The following ELMO1 variants were observed in gnomAD, a reference collection of about 807,000 sequenced individuals.
ELMO1 encodes engulfment and cell motility 1, also known as engulfment and cell motility protein 1.
ELMO1 carries 26 observed loss-of-function variants against 98.9 expected under a neutral mutation model. The observed-to-expected ratio is 0.26, with a 90% CI of 0.19 to 0.36. The LOEUF is 0.36. Ranked by LOEUF, ELMO1 falls within the 10% of genes least tolerant of loss-of-function variation. ELMO1 has a pLI of 1.00. For missense variants in ELMO1, 627 were observed against 935.2 expected (o/e 0.67, Z 4.30); for synonymous variants, 346 against 346.0 (o/e 1.00, Z 0.00).
chr7:37,127,176 T>C (rs1211212264), intron 14 of ELMO1, among the ~76,000 whole-genome samples: 1 of 152,198 alleles, frequency 6.6e-6, no homozygotes, highest in Non-Finnish European at 1.5e-5. Flanking sequence ...ATGAAAAGCT[T>C]TGCAATGATA....
intron 4 of ELMO1, among the ~76,000 whole-genome samples, chr7:37,282,073 T>A (rs1797168940): frequency 6.8e-6 from 1 of 146,860 alleles, no homozygotes; most frequent in African/African-American, 2.5e-5. Flanking sequence ...CATTGTCATA[T>A]GTTTCCCTCT....
intron 13 of ELMO1, chr7:37,211,121 C>A (rs868254056): frequency 8.2e-6 from 3 of 365,388 alleles, no homozygotes; most frequent in Non-Finnish European, 1.5e-5. Context: ...GAGATACATT[C>A]CGGGCTAACT....
intron 16 of ELMO1, among the ~76,000 whole-genome samples, chr7:37,012,934 G>A (rs1296939098): frequency 6.6e-6 from 1 of 152,182 alleles, no homozygotes; most frequent in East Asian, 1.9e-4. Context: ...TCCTGGACAG[G>A]TGGAGGGAAG....
intron 1 of ELMO1, among the ~76,000 whole-genome samples, chr7:37,362,234 A>ATAT (rs75702393): frequency 4.0e-5 from 6 of 151,476 alleles, no homozygotes; most frequent in South Asian, 2.1e-4. Flanking sequence ...ATATATATAT[A>ATAT]ATTTCTCCGT....
chr7:37,388,053 G>T (rs958465341), intron 1 of ELMO1, among the ~76,000 whole-genome samples: 3 of 151,976 alleles, frequency 2.0e-5, no homozygotes, highest in Non-Finnish European at 4.4e-5. Flanking sequence ...GCCCAAGCTG[G>T]TCTCTAACTC....
chr7:36,981,273 T>G (rs773762817), intron 16 of ELMO1, among the ~76,000 whole-genome samples: 16 of 151,446 alleles, frequency 1.1e-4, no homozygotes, highest in Non-Finnish European at 2.4e-4. Context: ...ATTAGGAGAC[T>G]AAGACTAGAT....
chr7:37,272,014 C>G (rs1796583109), intron 4 of ELMO1, 132 bp from the exon 5 acceptor site: 1 of 731,122 alleles, frequency 1.4e-6, no homozygotes, highest in Non-Finnish European at 2.2e-6. Flanking sequence ...TTAATTATTT[C>G]TATAAAGGCT....
intron 13 of ELMO1, among the ~76,000 whole-genome samples, chr7:37,152,443 GCT>G (rs138248887): frequency 1.4e-5 from 1 of 73,116 alleles, no homozygotes; most frequent in Non-Finnish European, 3.6e-5. Context: ...CAATGTTGGG[GCT>G]TTTTTTTTTT....
In ELMO1 at chr7:37,155,503, A is replaced by ATAAAAAATAAAAAT. The variant is rs1554427526; in HGVS notation, c.1087-22270_1087-22269insATTTTTATTTTTTA. 1.3e-4 allele frequency among the ~76,000 whole-genome samples: 17 copies of ATAAAAAATAAAAAT among 131,778 alleles called. 2 individuals carry two copies. Among genetic ancestry groups the ATAAAAAATAAAAAT allele is most frequent in the South Asian group, 7.3e-4 (3 of 4,114 alleles). 86.5% of individuals were successfully genotyped at this position (131,778 alleles called of 152,430 possible). A position where few individuals can be genotyped will look rare whatever the true frequency, so the allele number is the denominator to read the frequency against. ...AACGGAAAGCAAAAAAAAAAAAAAAAAAAAAGCAGGTGTTGCAATCCTGGT... is the reference window on the plus strand; with the variant it reads ...AACGGAAAGCAAAAAAAAAAAAAAAATAAAAAATAAAAATAAAAAGCAGGTGTTGCAATCCTGGT... On this transcript the variant is annotated intron_variant, in intron 13 of 21. Transcript: ENST00000310758.
At chr7:37,141,523 C>CAA (rs34369659) in intron 13 of ELMO1, among the ~76,000 whole-genome samples, 73 of 151,202 alleles carry the variant, frequency 4.8e-4, no homozygotes, top group African/African-American at 1.2e-3. Flanking sequence ...TGAAATAAAC[C>CAA]AAAAAAAACT....
At chr7:37,050,814 GGT>G (rs796859387) in intron 15 of ELMO1, among the ~76,000 whole-genome samples, 43 of 135,834 alleles carry the variant, frequency 3.2e-4, no homozygotes, top group African/African-American at 1.4e-3. Context: ...CAAGTTCAAA[GGT>G]TTTTTTTTTT....
intron 1 of ELMO1, among the ~76,000 whole-genome samples, chr7:37,447,431 A>G (rs2131604222): frequency 6.6e-6 from 1 of 151,970 alleles, no homozygotes; most frequent in East Asian, 1.9e-4. Flanking sequence ...TCCCAAATAT[A>G]TTCACTGAGT....
chr7:36,958,630 A>G (rs1788664901), intron 16 of ELMO1, among the ~76,000 whole-genome samples: 1 of 152,196 alleles, frequency 6.6e-6, no homozygotes. Context: ...TGCCATCTTC[A>G]TTTTACAATA....
intron 13 of ELMO1, among the ~76,000 whole-genome samples, chr7:37,203,402 A>T (rs896039047): frequency 2.0e-5 from 3 of 152,192 alleles, no homozygotes; most frequent in Non-Finnish European, 4.4e-5. Flanking sequence ...TTTTGTCCTC[A>T]CTTATATGAA....
intron 1 of ELMO1, among the ~76,000 whole-genome samples, chr7:37,439,685 T>C (rs571666099): frequency 7.9e-5 from 12 of 152,338 alleles, no homozygotes; most frequent in African/African-American, 2.4e-4. Context: ...CTACAATTAA[T>C]AAATAAAGCT....
At chr7:36,918,396 G>A (rs536610038) in intron 16 of ELMO1, among the ~76,000 whole-genome samples, 91 of 152,310 alleles carry the variant, frequency 6.0e-4, no homozygotes, top group Non-Finnish European at 1.0e-3. Context: ...AATTTTATAA[G>A]TGAAAATATG....
At chr7:37,440,548 A>C (rs1301994639) in intron 1 of ELMO1, among the ~76,000 whole-genome samples, 1 of 151,966 alleles carries the variant, frequency 6.6e-6, no homozygotes. Context: ...AGGCGGGTGG[A>C]TCACGAGGTC....
At chr7:37,195,289 CTA>C (rs1321706110) in intron 13 of ELMO1, among the ~76,000 whole-genome samples, 4 of 152,226 alleles carry the variant, frequency 2.6e-5, no homozygotes, top group Non-Finnish European at 4.4e-5. Flanking sequence ...ATCTTTGTGA[CTA>C]GAGAGAGGCC....
chr7:37,099,806 G>A (rs922784695), intron 14 of ELMO1, among the ~76,000 whole-genome samples: 9 of 151,856 alleles, frequency 5.9e-5, no homozygotes, highest in Non-Finnish European at 2.9e-5. Context: ...GCATCCCAGA[G>A]CTAGCCTGTG....
Sources: allele counts gnomAD v4.1 joint callset (sites outside exome capture counted in the v4.1 genomes callset), GRCh38; gene constraint gnomAD v4.1.1; transcripts MANE v1.5; gene names NCBI Gene and HGNC (gene_info 2026-07-23, HGNC 2026-07-21).